ARHGAP1: variants seen among roughly 807,000 people sequenced by gnomAD.
ARHGAP1 encodes the protein Rho GTPase activating protein 1, also known as rho GTPase-activating protein 1.
A neutral mutation model predicts 52.2 loss-of-function variants in ARHGAP1; 23 were observed. That is an observed-to-expected ratio of 0.44 (90% CI 0.32 to 0.62). ARHGAP1 has a LOEUF of 0.62. Among genes scored for constraint, ARHGAP1 ranks in the 20% least tolerant of loss-of-function variants. The pLI is 0.05. For synonymous variants in ARHGAP1, 210 were observed against 228.4 expected, an observed-to-expected ratio of 0.92 and a Z score of 0.73; for missense variants, 480 against 560.9, an observed-to-expected ratio of 0.86 and a Z score of 1.46.
At chr11:46,693,141 C>T (rs2064627234) in intron 3 of ARHGAP1, among the ~76,000 whole-genome samples, 1 of 152,108 alleles carries the variant, frequency 6.6e-6, no homozygotes, top group South Asian at 2.1e-4. Context: ...GATGAGCCAC[C>T]GCGCCTGGCC....
At position 46,690,040 on chromosome 11, in the gene ARHGAP1, T is replaced by C. The variant is rs113203923; in HGVS notation, c.230-1780A>G. ...ACAGTCATGTCTCATTTCTGACCAC[T>C]GACAATCGCTTTCTGATTTTATTAC... is the stretch of plus-strand genomic sequence containing the variant. On this transcript the variant is annotated intron_variant, in intron 3 of 12. Transcript: ENST00000311956. 7.4e-3 allele frequency among the ~76,000 whole-genome samples: 1,129 copies of C among 152,282 alleles called. 18 individuals are homozygous for C. The highest frequency in any genetic ancestry group is 0.025 in the African/African-American group (1,048 of 41,564).
At chr11:46,697,986 C>A (rs957941225) in intron 1 of ARHGAP1, among the ~76,000 whole-genome samples, 1 of 152,204 alleles carries the variant, frequency 6.6e-6, no homozygotes, top group East Asian at 1.9e-4. Context: ...CTCAAAGCAA[C>A]CCCCTCCAGG....
intron 1 of ARHGAP1, among the ~76,000 whole-genome samples, chr11:46,698,105 G>A (rs2064670860): frequency 6.6e-6 from 1 of 152,180 alleles, no homozygotes; most frequent in African/African-American, 2.4e-5. Context: ...GCACAAAGTA[G>A]GTGCTGATGC....
At position 46,695,091 on chromosome 11, in the gene ARHGAP1, T is replaced by TC. The variant is rs1244279810; in HGVS notation, c.229+568dup. On this transcript the variant is annotated intron_variant, in intron 3 of 12. Coordinates refer to ENST00000311956, the MANE Select transcript of ARHGAP1 (RefSeq NM_004308.5). ...TCCCTGGCTCCTGGTTTCTTCTGGG[T>TC]CCCCCCTTATGAACAGGAGGGAGGG... is the stretch of plus-strand genomic sequence containing the variant. 4 of 191,442 alleles carry TC rather than the reference T, an allele frequency of 2.1e-5. No individual in the cohort carries two copies. In the East Asian group the frequency reaches 3.6e-4, roughly 17 times the overall value. The allele number at this position is 191,442 out of a possible 1,614,324, so 11.9% of individuals were successfully genotyped here.
At chr11:46,699,426 C>T (rs370467601) in intron 1 of ARHGAP1, among the ~76,000 whole-genome samples, 1 of 152,146 alleles carries the variant, frequency 6.6e-6, no homozygotes, top group South Asian at 2.1e-4. Flanking sequence ...GAGGACCAGC[C>T]GGGCACGGTG....
At position 46,679,159 on chromosome 11, in the gene ARHGAP1, G is replaced by C. The variant is rs773164486; in HGVS notation, c.1198C>G (p.Leu400Val). 6.2e-6 allele frequency: 10 copies of C among 1,613,618 alleles called. No individual in the cohort carries two copies. Among genetic ancestry groups the C allele is most frequent in the Non-Finnish European group, 8.5e-6 (10 of 1,179,800 alleles). Residue 400 changes from leucine to valine, a missense_variant, in exon 13 of 13, where the codon CTG (leucine) becomes GTG (valine). Coordinates refer to ENST00000311956, the MANE Select transcript of ARHGAP1 (RefSeq NM_004308.5). The surrounding 1 kb of genome is among the most constrained non-coding windows in gnomAD (Gnocchi z 4.4). ...TNLAVVFGPN[L>V]LWAKDAAITL... ...ATGGCCGCATCCTTGGCCCACAGCA[G>C]GTTAGGGCCGAAAACAACAGCCAGG...
At chr11:46,693,586 T>G (rs1281732763) in intron 3 of ARHGAP1, among the ~76,000 whole-genome samples, 1 of 152,026 alleles carries the variant, frequency 6.6e-6, no homozygotes, top group African/African-American at 2.4e-5. Context: ...ATTGTTATTA[T>G]TTTTGTAGAG....
In ARHGAP1 at chr11:46,679,329, C is replaced by G. The variant is rs752632876; in HGVS notation, c.1131+36G>C. ...AGGAGGCGGCAGCTCCTCCTTCCCC[C>G]TCCCTTCACCCCAGAGGCCAAGTCC... On this transcript the variant is annotated intron_variant, in intron 12 of 12. Transcript: ENST00000311956. The surrounding 1 kb of genome is among the most constrained non-coding windows in gnomAD (Gnocchi z 4.4). The G allele has an allele frequency of 6.2e-7, 1 of 1,610,704 alleles. No individual in the cohort carries two copies.
rs1592384369 is a variant in ARHGAP1 at position 46,681,114 on chromosome 11, TG to T, written c.537-6del. 1.9e-6 allele frequency: 3 copies of T among 1,613,702 alleles called. No homozygotes were observed. Among genetic ancestry groups the T allele is most frequent in the Admixed American group, 1.7e-5 (1 of 60,006 alleles). On this transcript the variant is annotated splice_polypyrimidine_tract_variant and splice_region_variant and intron_variant, in intron 6 of 12. Coordinates refer to ENST00000311956, the MANE Select transcript of ARHGAP1 (RefSeq NM_004308.5). The surrounding 1 kb of genome is among the most constrained non-coding windows in gnomAD (Gnocchi z 5.7). Reference sequence around the variant, plus strand: ...ATCTTCTGCCCGAACTTGAAGCTGTTGGTGGAAGAAAGGGCCTGGGTTGTGG... The same window carrying T: ...ATCTTCTGCCCGAACTTGAAGCTGTTGTGGAAGAAAGGGCCTGGGTTGTGG...
At position 46,694,373 on chromosome 11, in the gene ARHGAP1, C is replaced by A. The variant is rs1446104571; in HGVS notation, c.229+1287G>T. On this transcript the variant is annotated intron_variant, in intron 3 of 12. Transcript: ENST00000311956. ...GCCTCCACCGAGAGCCCTTCCTGATCCACAGCCCCAGAGGTTGCAGTCCAA... is the reference window on the plus strand; with the variant it reads ...GCCTCCACCGAGAGCCCTTCCTGATACACAGCCCCAGAGGTTGCAGTCCAA... 3.9e-5 allele frequency among the ~76,000 whole-genome samples: 6 copies of A among 152,106 alleles called. 1 individual carries two copies. The highest frequency in any genetic ancestry group is 8.8e-5 in the Non-Finnish European group (6 of 68,018).
At chr11:46,683,155 C>T (rs938331097) in intron 4 of ARHGAP1, among the ~76,000 whole-genome samples, 1 of 151,206 alleles carries the variant, frequency 6.6e-6, no homozygotes, top group Non-Finnish European at 1.5e-5. Context: ...CCTCCTGCCT[C>T]AGCCTCCTGA....
chr11:46,677,902 C>T lies in ARHGAP1; in HGVS notation c.*1135G>A. The T allele has an allele frequency of 2.3e-6, 1 of 428,956 alleles. No individual in the cohort carries two copies. Among genetic ancestry groups the T allele is most frequent in the Non-Finnish European group, 4.6e-6 (1 of 217,794 alleles). 26.6% of individuals were successfully genotyped at this position (428,956 alleles called of 1,614,324 possible). Reference sequence around the variant, plus strand: ...AAGGCGGAGGTGTGCCGAGATCGCGCCACTGCACTCCAGCCTGGTGACAGA... The same window carrying T: ...AAGGCGGAGGTGTGCCGAGATCGCGTCACTGCACTCCAGCCTGGTGACAGA... On this transcript the variant is annotated 3_prime_UTR_variant, in exon 13 of 13. Coordinates refer to ENST00000311956, the MANE Select transcript of ARHGAP1 (RefSeq NM_004308.5).
intron 4 of ARHGAP1, among the ~76,000 whole-genome samples, chr11:46,682,454 C>T (rs1007048885): frequency 3.3e-5 from 5 of 152,206 alleles, no homozygotes; most frequent in South Asian, 2.1e-4. Context: ...GAGGCCAAGG[C>T]GGGTGGATCA....
rs770711708 is a variant in ARHGAP1 at position 46,696,237 on chromosome 11, C to T, written c.-49-81G>A. On this transcript the variant is annotated intron_variant, in intron 1 of 12. Transcript: ENST00000311956. The surrounding 1 kb of genome is among the most constrained non-coding windows in gnomAD (Gnocchi z 4.8). ...GACCTCCACCGCGTGCCCTCCTGCC[C>T]CCACCATTCCCTCTCCCAGGCTCCC... 1.1e-4 allele frequency: 96 copies of T among 912,256 alleles called. 1 individual carries two copies. The highest frequency in any genetic ancestry group is 1.3e-4 in the Non-Finnish European group (81 of 616,094). 56.5% of individuals were successfully genotyped at this position (912,256 alleles called of 1,614,324 possible). A position where few individuals can be genotyped will look rare whatever the true frequency, so the allele number is the denominator to read the frequency against.
At chr11:46,690,400 C>T (rs1319295952) in intron 3 of ARHGAP1, among the ~76,000 whole-genome samples, 1 of 150,520 alleles carries the variant, frequency 6.6e-6, no homozygotes, top group Non-Finnish European at 1.5e-5. Flanking sequence ...AAAAAAAAGA[C>T]AAAATTAAAG....
intron 4 of ARHGAP1, chr11:46,686,763 C>T (rs1280061181): frequency 6.6e-6 from 1 of 152,390 alleles, no homozygotes. Flanking sequence ...GAGTCTCGCT[C>T]TGTCGCCCAG....
chr11:46,693,104 G>A (rs1195024860), intron 3 of ARHGAP1, among the ~76,000 whole-genome samples: 4 of 152,018 alleles, frequency 2.6e-5, no homozygotes, highest in African/African-American at 7.2e-5. Context: ...CGCCCGCCTC[G>A]GCCTCCCAAA....
rs1333762215 is a variant in ARHGAP1 at position 46,678,413 on chromosome 11, C to A, written c.*624G>T. ...GGCAGTATCACTTGGGAAAGGCTGACCCAGGATGTGTGGAAGAGGAGGCAG... is the reference window on the plus strand; with the variant it reads ...GGCAGTATCACTTGGGAAAGGCTGAACCAGGATGTGTGGAAGAGGAGGCAG... On this transcript the variant is annotated 3_prime_UTR_variant, in exon 13 of 13. Transcript: ENST00000311956. The A allele has an allele frequency of 1.2e-5, 2 of 164,596 alleles. No individual in the cohort carries two copies. Among genetic ancestry groups the A allele is most frequent in the African/African-American group, 4.8e-5 (2 of 41,456 alleles). The allele number at this position is 164,596 out of a possible 1,614,324, so 10.2% of individuals were successfully genotyped here. A position where few individuals can be genotyped will look rare whatever the true frequency, so the allele number is the denominator to read the frequency against.
At chr11:46,700,305 C>A (rs112285811) in intron 1 of ARHGAP1, among the ~76,000 whole-genome samples, 1 of 152,144 alleles carries the variant, frequency 6.6e-6, no homozygotes, top group Non-Finnish European at 1.5e-5. Context: ...AGCGATCCGG[C>A]CTGGACTCTG....
Sources: gnomAD v4.1 joint callset for allele counts (sites outside exome capture counted in the v4.1 genomes callset) on GRCh38, gnomAD v4.1.1 for gene constraint, Gnocchi (gnomAD v3.1) non-coding constraint, MANE v1.5 for transcripts, NCBI Gene and HGNC (gene_info 2026-07-23, HGNC 2026-07-21) for gene names.